The following PAK5 variants were observed in gnomAD, a reference collection of about 807,000 sequenced individuals.
The protein encoded by PAK5 is serine/threonine-protein kinase PAK 5.
A neutral mutation model predicts 65.9 loss-of-function variants in PAK5; 16 were observed. That is an observed-to-expected ratio of 0.24 (90% CI 0.16 to 0.37). PAK5 has a LOEUF of 0.37. Among genes scored for constraint, PAK5 ranks in the 10% least tolerant of loss-of-function variants. The pLI is 1.00. For synonymous variants in PAK5, 371 were observed against 354.9 expected, an observed-to-expected ratio of 1.05 and a Z score of -0.51; for missense variants, 785 against 903.9, an observed-to-expected ratio of 0.87 and a Z score of 1.69.
rs76572174 is a variant in PAK5, at chr20:9,630,681, G to T, written c.204+13444C>A. Among the ~76,000 whole-genome samples, 893 of 152,318 alleles carry T rather than the reference G, an allele frequency of 5.9e-3. 8 individuals carry two copies. Among genetic ancestry groups the T allele is most frequent in the African/African-American group, 0.02 (841 of 41,570 alleles). On this transcript the variant is annotated intron_variant, in intron 3 of 9. Transcript: ENST00000353224. ...AAAACTACTCAGGATGCAAACATGT[G>T]CTGCCTTTCATGAAAAGGAAGGGCA...
chr20:9,539,570 C>A lies in PAK5; in HGVS notation c.2052G>T (p.Glu684Asp), dbSNP rs772089121. 1 of 1,613,620 alleles carries A rather than the reference C, an allele frequency of 6.2e-7. No homozygotes were observed. The highest frequency in any genetic ancestry group is 8.5e-7 in the Non-Finnish European group (1 of 1,179,878). ...RGFLDLMLVR[E>D]PSQRATAQEL... The stretch of plus-strand genomic sequence containing the variant: ...CCTGGGCTGTTGCTCTCTGAGAGGG[C>A]TCCCTCACCAACATCAAGTCTAGGA... Residue 684 changes from glutamate to aspartate, a missense_variant, in exon 10 of 10, where the codon GAG (glutamate) becomes GAT (aspartate). Physicochemically the swap from Glu to Asp is conservative, Grantham distance 45. Coordinates refer to ENST00000353224, the MANE Select transcript of PAK5 (RefSeq NM_177990.4).
chr20:9,686,770 T>C (rs1002542085), intron 2 of PAK5, among the ~76,000 whole-genome samples: 5 of 152,216 alleles, frequency 3.3e-5, no homozygotes, highest in African/African-American at 1.2e-4. Flanking sequence ...TTCCCTTTCT[T>C]ATCTGTGTCC....
intron 1 of PAK5, among the ~76,000 whole-genome samples, chr20:9,745,500 T>C (rs2048496606): frequency 6.6e-6 from 1 of 152,140 alleles, no homozygotes; most frequent in Non-Finnish European, 1.5e-5. Context: ...ATTTAATACC[T>C]ATAACTCATC....
In PAK5 at chr20:9,580,862, G is replaced by A. The variant is rs201405566; in HGVS notation, c.273C>T (p.Asn91=). ...GGGAGTTGGAGCGAGTCACCGAGAT[G>A]TTGTCAAAATCCTCTAGCAGGCCGT... is the stretch of plus-strand genomic sequence containing the variant. ...SINGLLEDFD[N]ISVTRSNSLR... is the part of the protein sequence containing the mutation. The change falls in exon 4 of 10, where the codon AAC becomes AAT. Residue 91 remains asparagine (N), a synonymous_variant. Coordinates refer to ENST00000353224, the MANE Select transcript of PAK5 (RefSeq NM_177990.4). 20 of 1,613,282 alleles carry A rather than the reference G, an allele frequency of 1.2e-5. No homozygotes were observed. Among genetic ancestry groups the A allele is most frequent in the Non-Finnish European group, 5.9e-6 (7 of 1,179,746 alleles).
intron 2 of PAK5, among the ~76,000 whole-genome samples, chr20:9,663,806 G>T (rs1600215072): frequency 6.6e-6 from 1 of 152,108 alleles, no homozygotes; most frequent in South Asian, 2.1e-4. Flanking sequence ...AATAACACGA[G>T]TGCTTAAAGG....
At chr20:9,690,746 CTTTCTTTTTTTTTT>C (rs959261280) in intron 2 of PAK5, among the ~76,000 whole-genome samples, 5 of 117,938 alleles carry the variant, frequency 4.2e-5, no homozygotes, top group Non-Finnish European at 6.9e-5. Flanking sequence ...TTCTTTCTTT[CTTTCTTTTTTTTTT>C]TTTTTTTTTT....
intron 3 of PAK5, among the ~76,000 whole-genome samples, chr20:9,602,748 A>G (rs1044172314): frequency 6.6e-6 from 1 of 152,204 alleles, no homozygotes; most frequent in Non-Finnish European, 1.5e-5. Context: ...GATCCTCTTC[A>G]TCAATCAAAG....
intron 2 of PAK5, among the ~76,000 whole-genome samples, chr20:9,651,649 T>C (rs1850652694): frequency 6.6e-6 from 1 of 152,140 alleles, no homozygotes; most frequent in African/African-American, 2.4e-5. Flanking sequence ...TATTTCATAA[T>C]AATAATAGTA....
At chr20:9,556,544 C>T (rs539021091) in intron 7 of PAK5, among the ~76,000 whole-genome samples, 9 of 152,270 alleles carry the variant, frequency 5.9e-5, no homozygotes, top group South Asian at 2.1e-4. Flanking sequence ...CATGCCAAGG[C>T]CATTGCCTCT....
At chr20:9,726,001 AG>A (rs1414168419) in intron 1 of PAK5, among the ~76,000 whole-genome samples, 2 of 152,176 alleles carry the variant, frequency 1.3e-5, no homozygotes, top group Non-Finnish European at 2.9e-5. Flanking sequence ...TTTTCTCTAT[AG>A]AATGATGTTT....
chr20:9,681,350 G>T (rs2047646894), intron 2 of PAK5, among the ~76,000 whole-genome samples: 1 of 151,992 alleles, frequency 6.6e-6, no homozygotes, highest in Non-Finnish European at 1.5e-5. Flanking sequence ...CACACATTCT[G>T]TATTTCAGTT....
intron 1 of PAK5, among the ~76,000 whole-genome samples, chr20:9,805,540 AT>A (rs2049221190): frequency 6.6e-6 from 1 of 152,224 alleles, no homozygotes; most frequent in Non-Finnish European, 1.5e-5. Flanking sequence ...TTGTTCCACC[AT>A]AAAAAGGAAC....
chr20:9,617,914 G>A (rs2046691000), intron 3 of PAK5, among the ~76,000 whole-genome samples: 1 of 152,120 alleles, frequency 6.6e-6, no homozygotes, highest in Non-Finnish European at 1.5e-5. Context: ...AAAAAAAGTG[G>A]AAGTTTACAT....
chr20:9,807,673 G>A (rs2049248999), intron 1 of PAK5, among the ~76,000 whole-genome samples: 1 of 151,644 alleles, frequency 6.6e-6, no homozygotes, highest in Non-Finnish European at 1.5e-5. Context: ...TGTTTTCCAG[G>A]TTCCCTTGCA....
At chr20:9,784,953 G>A (rs1179947530) in intron 1 of PAK5, among the ~76,000 whole-genome samples, 1 of 151,964 alleles carries the variant, frequency 6.6e-6, no homozygotes, top group African/African-American at 2.4e-5. Flanking sequence ...TAGTCTCAAA[G>A]GAAGACATTT....
Position 9,682,641 on chromosome 20 carries a change from T to C in PAK5, c.-12+28645A>G, listed in dbSNP as rs146459261. 7.1e-3 allele frequency among the ~76,000 whole-genome samples: 1,086 copies of C among 152,312 alleles called. 5 individuals are homozygous for C. Among genetic ancestry groups the C allele is most frequent in the Middle Eastern group, 0.014 (4 of 294 alleles). Reference sequence around the variant, plus strand: ...ACAAACACTCGGGGACCCAAGGTCCTGGGGAAAGGGAAAACATATTGAGGT... The same window carrying C: ...ACAAACACTCGGGGACCCAAGGTCCCGGGGAAAGGGAAAACATATTGAGGT... On this transcript the variant is annotated intron_variant, in intron 2 of 9. Transcript: ENST00000353224.
chr20:9,548,559 G>A (rs1603196335), intron 7 of PAK5, among the ~76,000 whole-genome samples: 1 of 152,152 alleles, frequency 6.6e-6, no homozygotes, highest in East Asian at 1.9e-4. Context: ...AGCTAGAGAT[G>A]ACATTCCTTG....
chr20:9,586,052 G>T (rs2123042842), intron 3 of PAK5, among the ~76,000 whole-genome samples: 1 of 152,290 alleles, frequency 6.6e-6, no homozygotes, highest in Middle Eastern at 3.4e-3. Flanking sequence ...TATGCCTTCA[G>T]ATGCTACCAT....
rs550611162 is a variant in PAK5 at position 9,720,737 on chromosome 20, A to G, written c.-161-9302T>C. Among the ~76,000 whole-genome samples the G allele has an allele frequency of 7.4e-4, 112 of 152,306 alleles. 1 individual carries two copies. Among genetic ancestry groups the G allele is most frequent in the African/African-American group, 2.6e-3 (110 of 41,550 alleles). On this transcript the variant is annotated intron_variant, in intron 1 of 9. Coordinates refer to ENST00000353224, the MANE Select transcript of PAK5 (RefSeq NM_177990.4). ...ATCAAGAGGTGATTGGATAAATAAC[A>G]TGCAGTATATCCAATCAGTCGGATG...
Sources: gnomAD v4.1 joint callset for allele counts (sites outside exome capture counted in the v4.1 genomes callset) on GRCh38, gnomAD v4.1.1 for gene constraint, MANE v1.5 for transcripts, NCBI Gene and HGNC (gene_info 2026-07-23, HGNC 2026-07-21) for gene names.